Variants in PARG observed in about 807,000 individuals in gnomAD.
The protein encoded by PARG is poly(ADP-ribose) glycohydrolase, also known as mitochondrial poly(ADP-ribose) glycohydrolase.
A neutral mutation model predicts 113.0 loss-of-function variants in PARG; 35 were observed. The observed-to-expected ratio is 0.31, with a 90% confidence interval of 0.24 to 0.41. The LOEUF (loss-of-function observed/expected upper bound fraction) is 0.41. PARG is among the 10% of genes least tolerant of loss of function. PARG has a pLI of 1.00. For synonymous variants in PARG, 330 were observed against 409.9 expected, an observed-to-expected ratio of 0.81 and a Z score of 2.36; for missense variants, 797 against 1,169.4, an observed-to-expected ratio of 0.68 and a Z score of 4.64.
intron 13 of PARG, among the ~76,000 whole-genome samples, chr10:49,850,619 T>C (rs1158576485): frequency 6.6e-6 from 1 of 152,234 alleles, no homozygotes; most frequent in Non-Finnish European, 1.5e-5. Context: ...TCGTTTTTCC[T>C]GTTCATAAAA....
intron 13 of PARG, among the ~76,000 whole-genome samples, chr10:49,851,652 G>C (rs1554834217): frequency 1.5e-5 from 2 of 137,516 alleles, no homozygotes; most frequent in African/African-American, 5.3e-5. Context: ...CTGCCCAGTA[G>C]GTTTCATGTC....
At chr10:49,923,376 C>T (rs1302872855) in intron 4 of PARG, among the ~76,000 whole-genome samples, 29 of 152,078 alleles carry the variant, frequency 1.9e-4, no homozygotes, top group Non-Finnish European at 3.5e-4. Flanking sequence ...TCCCAAACTT[C>T]CTGAAAATAA....
chr10:49,857,009 C>CAAAAAAAA (rs71270682), intron 13 of PARG, among the ~76,000 whole-genome samples: 1 of 74,626 alleles, frequency 1.3e-5, no homozygotes, highest in Non-Finnish European at 2.5e-5. Flanking sequence ...ACCTCTGTCT[C>CAAAAAAAA]AAAAAAAAAA....
intron 7 of PARG, among the ~76,000 whole-genome samples, chr10:49,899,788 G>A (rs1207597148): frequency 6.6e-6 from 1 of 151,792 alleles, no homozygotes; most frequent in African/African-American, 2.4e-5. Context: ...ACTTTCTTTT[G>A]GTTTGATTTG....
At chr10:49,929,087 G>C (rs1838360795) in intron 4 of PARG, among the ~76,000 whole-genome samples, 1 of 151,988 alleles carries the variant, frequency 6.6e-6, no homozygotes, top group Non-Finnish European at 1.5e-5. Flanking sequence ...AGGGTCCTGG[G>C]TATCTAAGAA....
chr10:49,829,406 T>C (rs1425438329), intron 16 of PARG, among the ~76,000 whole-genome samples: 1 of 152,204 alleles, frequency 6.6e-6, no homozygotes, highest in African/African-American at 2.4e-5. Flanking sequence ...CTTAGCCTTA[T>C]TTCTATTAAT....
intron 10 of PARG, among the ~76,000 whole-genome samples, chr10:49,867,764 C>CT (rs1398551576): frequency 6.6e-6 from 1 of 150,754 alleles, no homozygotes; most frequent in Non-Finnish European, 1.5e-5. Flanking sequence ...AAAAAACAAA[C>CT]TTTAAGCTTT....
At chr10:49,881,728 C>G (rs1285604956) in intron 8 of PARG, among the ~76,000 whole-genome samples, 4 of 152,174 alleles carry the variant, frequency 2.6e-5, no homozygotes, top group African/African-American at 9.7e-5. Context: ...GAAAAAAGAA[C>G]AGATTAAACT....
intron 7 of PARG, among the ~76,000 whole-genome samples, chr10:49,914,497 A>C (rs1837358445): frequency 1.3e-5 from 2 of 152,268 alleles, no homozygotes; most frequent in Non-Finnish European, 2.9e-5. Flanking sequence ...TTCTGAAATT[A>C]CTGGCACTAT....
At chr10:49,929,826 C>CAAA in intron 4 of PARG, among the ~76,000 whole-genome samples, 1 of 84,872 alleles carries the variant, frequency 1.2e-5, no homozygotes, top group Admixed American at 1.2e-4. Flanking sequence ...AAAACTCCAT[C>CAAA]AAAAAAAAAA....
Position 49,941,500 on chromosome 10 carries a change from C to T in PARG, c.217+9G>A. On this transcript the variant is annotated intron_variant, in intron 1 of 17. Transcript: ENST00000616448. ...GGCGAAGGACAAAGATTTTTATTTT[C>T]CCACGTACCAAGCGAGGTGGCGCTG... is the stretch of plus-strand genomic sequence containing the variant. 4 of 1,541,726 alleles carry T rather than the reference C, an allele frequency of 2.6e-6. No homozygotes were observed. The highest frequency in any genetic ancestry group is 3.5e-6 in the Non-Finnish European group (4 of 1,138,512).
intron 10 of PARG, among the ~76,000 whole-genome samples, chr10:49,865,900 C>CATTT: frequency 6.6e-6 from 1 of 151,344 alleles, no homozygotes; most frequent in South Asian, 2.1e-4. Context: ...AAAAGGAAAT[C>CATTT]ATTTGCACAT....
intron 6 of PARG, among the ~76,000 whole-genome samples, chr10:49,920,451 T>TTAAAAAAAAAAAAAAAAA (rs1837735418): frequency 2.5e-5 from 1 of 39,896 alleles, no homozygotes; most frequent in Admixed American, 2.9e-4. Context: ...AGCCTCAAAT[T>TTAAAAAAAAAAAAAAAAA]AAAAAAAAAA....
intron 8 of PARG, among the ~76,000 whole-genome samples, chr10:49,880,126 C>T (rs1264907797): frequency 1.3e-5 from 2 of 152,034 alleles, no homozygotes; most frequent in Admixed American, 6.6e-5. Context: ...AATAAAAACA[C>T]ATTGCCCATG....
intron 7 of PARG, among the ~76,000 whole-genome samples, chr10:49,915,319 A>G (rs1445567507): frequency 6.6e-6 from 1 of 152,174 alleles, no homozygotes; most frequent in African/African-American, 2.4e-5. Context: ...TATTTCTCCA[A>G]AGAAGATATA....
intron 16 of PARG, among the ~76,000 whole-genome samples, chr10:49,829,920 CT>C (rs536177766): frequency 3.8e-3 from 563 of 148,020 alleles, no homozygotes; most frequent in African/African-American, 0.012. Context: ...ACCATAATTT[CT>C]TTTTTTTTTA....
intron 7 of PARG, among the ~76,000 whole-genome samples, chr10:49,886,351 G>T (rs1272720648): frequency 6.6e-6 from 1 of 152,074 alleles, no homozygotes; most frequent in Non-Finnish European, 1.5e-5. Context: ...AGCTGGACAG[G>T]GTATGTGTGT....
chr10:49,913,926 T>A (rs1176046885), intron 7 of PARG, among the ~76,000 whole-genome samples: 1 of 151,356 alleles, frequency 6.6e-6, no homozygotes, highest in Non-Finnish European at 1.5e-5. Flanking sequence ...TAAATAAATA[T>A]TAGAAGGTCG....
chr10:49,832,782 T>C, intron 16 of PARG, 21 bp downstream of exon 16: 1 of 1,421,362 alleles, frequency 7.0e-7, no homozygotes, highest in Non-Finnish European at 9.7e-7. Flanking sequence ...AATGCTTTTA[T>C]CCTTTTCTAC....
Sources: allele counts gnomAD v4.1 joint callset (sites outside exome capture counted in the v4.1 genomes callset), GRCh38; gene constraint gnomAD v4.1.1; transcripts MANE v1.5; gene names NCBI Gene and HGNC (gene_info 2026-07-23, HGNC 2026-07-21).